The following LINGO2 variants were observed in gnomAD, a reference collection of about 807,000 sequenced individuals.
LINGO2 encodes leucine-rich repeat and immunoglobulin-like domain-containing nogo receptor-interacting protein 2.
In LINGO2, 14 loss-of-function variants were observed where a neutral mutation model predicts 30.6. The ratio of observed to expected loss-of-function variants is 0.46; its 90% CI spans 0.30 to 0.72. The LOEUF (loss-of-function observed/expected upper bound fraction) is 0.72, where lower values mean the gene tolerates loss of function less well. Ranked by LOEUF, LINGO2 falls within the 30% of genes least tolerant of loss-of-function variation. LINGO2 has a pLI of 0.07. For synonymous variants in LINGO2, 317 were observed against 288.5 expected (o/e 1.10, Z -1.00); for missense variants, 729 against 751.7 (o/e 0.97, Z 0.35).
At chr9:28,228,974 G>C (rs893946214) in intron 4 of LINGO2, among the ~76,000 whole-genome samples, 23 of 151,524 alleles carry the variant, frequency 1.5e-4, no homozygotes, top group African/African-American at 5.6e-4. Context: ...TTTCTAGAAT[G>C]CCAGGTTGTA....
chr9:27,964,259 C>A (rs527896869), intron 5 of LINGO2, among the ~76,000 whole-genome samples: 1 of 152,058 alleles, frequency 6.6e-6, no homozygotes, highest in African/African-American at 2.4e-5. Context: ...ATATTTTTTT[C>A]TAAAAGTTTA....
chr9:27,950,677 C>A, exon 6 of LINGO2: 2 of 1,503,512 alleles, frequency 1.3e-6, no homozygotes, highest in Non-Finnish European at 1.8e-6. Context: ...AGCATGACTC[C>A]ACTTCTTAGT....
chr9:28,079,955 G>A (rs1825727978), intron 4 of LINGO2, among the ~76,000 whole-genome samples: 1 of 152,152 alleles, frequency 6.6e-6, no homozygotes, highest in Non-Finnish European at 1.5e-5. Context: ...AGTAAAAAAT[G>A]CAGGTATCAC....
chr9:28,013,159 A>G (rs574365746), intron 4 of LINGO2, among the ~76,000 whole-genome samples: 3 of 152,304 alleles, frequency 2.0e-5, no homozygotes, highest in Admixed American at 1.3e-4. Flanking sequence ...AGTAACAATC[A>G]GGATTTTAGG....
chr9:28,418,648 T>G (rs570750155), intron 2 of LINGO2, among the ~76,000 whole-genome samples: 1 of 152,200 alleles, frequency 6.6e-6, no homozygotes, highest in African/African-American at 2.4e-5. Context: ...GATTAATCTC[T>G]TAAAGTAAAT....
chr9:28,231,286 G>C (rs1587279796), intron 4 of LINGO2, among the ~76,000 whole-genome samples: 1 of 151,914 alleles, frequency 6.6e-6, no homozygotes, highest in African/African-American at 2.4e-5. Context: ...TAAATCATTA[G>C]AAATAAAAGA....
chr9:28,081,492 G>A (rs989631229), intron 4 of LINGO2, among the ~76,000 whole-genome samples: 1 of 152,124 alleles, frequency 6.6e-6, no homozygotes, highest in African/African-American at 2.4e-5. Flanking sequence ...GGGCCCAATT[G>A]TAAAATTTCA....
intron 3 of LINGO2, among the ~76,000 whole-genome samples, chr9:28,305,974 T>A (rs574470375): frequency 6.6e-6 from 1 of 152,106 alleles, no homozygotes; most frequent in East Asian, 1.9e-4. Flanking sequence ...ACTCAGAGTA[T>A]ATGAAGTATT....
intron 4 of LINGO2, among the ~76,000 whole-genome samples, chr9:28,037,581 ATTTG>A (rs908737136): frequency 1.3e-4 from 19 of 150,014 alleles, no homozygotes; most frequent in South Asian, 1.2e-3. Context: ...CTGCATTTTA[ATTTG>A]TTTGTTATGT....
At chr9:28,998,806 T>C in the LINGO2 span, among the ~76,000 whole-genome samples, 4 of 152,074 alleles carry the variant, frequency 2.6e-5, no homozygotes, top group African/African-American at 9.7e-5. Context: ...AAAACAGGAA[T>C]TCTTAAGGCC....
chr9:28,346,582 G>C (rs529120461), intron 3 of LINGO2, among the ~76,000 whole-genome samples: 99 of 152,204 alleles, frequency 6.5e-4, no homozygotes, highest in Admixed American at 6.5e-3. Context: ...TCATATGGTA[G>C]GTCTCTTTTG....
intron 5 of LINGO2, among the ~76,000 whole-genome samples, chr9:27,954,972 G>T (rs761744767): frequency 1.3e-5 from 2 of 152,056 alleles, no homozygotes; most frequent in African/African-American, 4.8e-5. Context: ...CTCTCAATGT[G>T]GTTTTGATTT....
At chr9:29,032,089 A>G in the LINGO2 span, among the ~76,000 whole-genome samples, 1 of 152,202 alleles carries the variant, frequency 6.6e-6, no homozygotes, top group African/African-American at 2.4e-5. Context: ...GGAAACTTGT[A>G]GAGTAGTGCA....
At chr9:28,843,334 T>TTTA in the LINGO2 span, among the ~76,000 whole-genome samples, 1 of 151,686 alleles carries the variant, frequency 6.6e-6, no homozygotes, top group Non-Finnish European at 1.5e-5. Context: ...CCTATTATTC[T>TTTA]GACCTCATAT....
intron 4 of LINGO2, among the ~76,000 whole-genome samples, chr9:28,179,537 T>C (rs1284223833): frequency 1.5e-5 from 1 of 68,920 alleles, no homozygotes; most frequent in Non-Finnish European, 3.0e-5. Context: ...AAACTATATA[T>C]AGTTTTTTAC....
chr9:28,040,444 T>TG (rs1296137217), intron 4 of LINGO2, among the ~76,000 whole-genome samples: 1 of 148,214 alleles, frequency 6.7e-6, no homozygotes, highest in South Asian at 2.2e-4. Context: ...TTTTTTTTTT[T>TG]GGACAGGGAT....
chr9:28,024,824 A>C (rs1431518436), intron 4 of LINGO2, among the ~76,000 whole-genome samples: 1 of 152,106 alleles, frequency 6.6e-6, no homozygotes, highest in African/African-American at 2.4e-5. Flanking sequence ...CGTGGAGCCA[A>C]ATGTTGCATC....
the LINGO2 span, among the ~76,000 whole-genome samples, chr9:28,731,391 A>G: frequency 1.3e-5 from 2 of 152,168 alleles, no homozygotes; most frequent in African/African-American, 4.8e-5. Context: ...ATTGATATGC[A>G]CAATAACTTG....
chr9:28,506,515 T>TAGATAGATAG (rs1554729664), intron 1 of LINGO2, among the ~76,000 whole-genome samples: 1 of 100,604 alleles, frequency 9.9e-6, no homozygotes, highest in African/African-American at 3.7e-5. Context: ...CATATATATA[T>TAGATAGATAG]ATATATAAAC....
Sources: allele counts gnomAD v4.1 joint callset (sites outside exome capture counted in the v4.1 genomes callset), GRCh38; gene constraint gnomAD v4.1.1; transcripts MANE v1.5; gene names NCBI Gene and HGNC (gene_info 2026-07-23, HGNC 2026-07-21).